The following C1orf50 variants were observed in gnomAD, a reference collection of about 807,000 sequenced individuals.
C1orf50 encodes the protein chromosome 1 open reading frame 50.
Under a neutral mutation model 23.3 loss-of-function variants are expected in C1orf50, and 22 were observed. The observed-to-expected ratio is 0.94, with a 90% CI of 0.67 to 1.35. The LOEUF (loss-of-function observed/expected upper bound fraction) is 1.35. C1orf50 is among the 40% of genes most tolerant of loss of function. The pLI, the probability that C1orf50 is intolerant of heterozygous loss-of-function variation, is 0.00. For synonymous variants in C1orf50, 96 were observed against 102.4 expected (o/e 0.94, Z 0.38); for missense variants, 271 against 249.4 (o/e 1.09, Z -0.58).
intron 2 of C1orf50, among the ~76,000 whole-genome samples, chr1:42,768,769 A>G (rs1044897279): frequency 2.6e-5 from 4 of 152,180 alleles, no homozygotes; most frequent in Admixed American, 2.6e-4. Flanking sequence ...GTGCTATTGA[A>G]TGACTATCGT....
Position 42,767,319 on chromosome 1 carries a change from A to G in C1orf50, c.8A>G (p.Asp3Gly), listed in dbSNP as rs1402287610. ...GGAGGATAAGGCGCTGTCATGGAGG[A>G]CGCCGCCGCGCCGGGGCGGACCGAG... ME[D>G]AAAPGRTEGV... The change falls in exon 1 of 5, where the codon GAC becomes GGC. Residue 3 changes from aspartate (D) to glycine (G), a missense_variant. Asp to Gly is a moderately conservative substitution (Grantham distance 94). Coordinates refer to ENST00000372525, the MANE Select transcript of C1orf50 (RefSeq NM_024097.4). The G allele has an allele frequency of 6.6e-7, 1 of 1,513,140 alleles. No homozygotes were observed. Among genetic ancestry groups the G allele is most frequent in the Non-Finnish European group, 8.8e-7 (1 of 1,136,174 alleles). The allele number at this position is 1,513,140 out of a possible 1,614,324, so 93.7% of individuals were successfully genotyped here.
chr1:42,770,914 C>T (rs902429042), intron 2 of C1orf50, among the ~76,000 whole-genome samples: 4 of 152,096 alleles, frequency 2.6e-5, no homozygotes, highest in South Asian at 2.1e-4. Context: ...TCGGTCCTCT[C>T]CTTTCATTTA....
intron 3 of C1orf50, among the ~76,000 whole-genome samples, 165 bp downstream of exon 3, chr1:42,773,814 T>TTTTG (rs1653274627): frequency 6.6e-6 from 1 of 152,064 alleles, no homozygotes; most frequent in African/African-American, 2.4e-5. Flanking sequence ...AAGTATAAGT[T>TTTTG]TTTGTTTGTC....
At chr1:42,769,160 A>C (rs889256628) in intron 2 of C1orf50, among the ~76,000 whole-genome samples, 1 of 152,144 alleles carries the variant, frequency 6.6e-6, no homozygotes, top group Non-Finnish European at 1.5e-5. Context: ...AGGCATGAGA[A>C]TCGCTTGAGC....
chr1:42,772,420 G>A (rs1653242282), intron 2 of C1orf50, among the ~76,000 whole-genome samples: 1 of 152,136 alleles, frequency 6.6e-6, no homozygotes. Flanking sequence ...TGCCTGAGTG[G>A]TAATCCTTCC....
At chr1:42,773,315 G>C (rs1653261830) in intron 2 of C1orf50, 1 of 319,992 alleles carries the variant, frequency 3.1e-6, no homozygotes, top group Non-Finnish European at 5.9e-6. Context: ...TAGCGAAGGG[G>C]TGGAAAGCTA....
intron 2 of C1orf50, among the ~76,000 whole-genome samples, chr1:42,770,905 C>G (rs185411182): frequency 6.6e-6 from 1 of 152,030 alleles, no homozygotes; most frequent in African/African-American, 2.4e-5. Flanking sequence ...TTTTCATGGT[C>G]GGTCCTCTCC....
In C1orf50 at chr1:42,779,270, G is replaced by C. The variant is rs920173304; in HGVS notation, c.*3876G>C. On this transcript the variant is annotated 3_prime_UTR_variant, in exon 5 of 5. Transcript: ENST00000372525. Reference sequence around the variant, plus strand: ...CGGGCGCCTGTAATCCCAGCTACTCGGGAGGCTGAGGCAGGAGAATGTCGT... The same window carrying C: ...CGGGCGCCTGTAATCCCAGCTACTCCGGAGGCTGAGGCAGGAGAATGTCGT... 2 of 151,754 alleles carry C rather than the reference G, an allele frequency of 1.3e-5. No individual in the cohort carries two copies. The highest frequency in any genetic ancestry group is 4.8e-5 in the African/African-American group (2 of 41,242). 9.4% of individuals were successfully genotyped at this position (151,754 alleles called of 1,614,324 possible).
At position 42,775,662 on chromosome 1, in the gene C1orf50, C is replaced by T; in HGVS notation, c.*268C>T. ...ATTGGCCAGTGTACTTTCCTTCTTC[C>T]TCTCCATCACTTCTTCCCTTAAGTT... On this transcript the variant is annotated 3_prime_UTR_variant, in exon 5 of 5. Coordinates refer to ENST00000372525, the MANE Select transcript of C1orf50 (RefSeq NM_024097.4). The T allele has an allele frequency of 3.5e-6, 1 of 283,374 alleles. No individual in the cohort carries two copies. The highest frequency in any genetic ancestry group is 2.2e-5 in the African/African-American group (1 of 46,028). The allele number at this position is 283,374 out of a possible 1,614,324, so 17.6% of individuals were successfully genotyped here.
chr1:42,767,531 G>T lies in C1orf50; in HGVS notation c.102G>T (p.Pro34=). ...GQGGALVELT[P]TPGGLALVSP... is the part of the protein sequence containing the mutation. ...CAGGAGCCCTGGTGGAGCTCACCCC[G>T]ACCCCCGGCGGCCTGGCCCTGGTGA... Residue 34 remains proline (P), a synonymous_variant, in exon 2 of 5, where the codon CCG becomes CCT. Transcript: ENST00000372525. 3 of 1,590,146 alleles carry T rather than the reference G, an allele frequency of 1.9e-6. No individual in the cohort carries two copies. Among genetic ancestry groups the T allele is most frequent in the African/African-American group, 2.7e-5 (2 of 74,688 alleles).
Position 42,767,722 on chromosome 1 carries a change from G to A in C1orf50, c.195+98G>A, listed in dbSNP as rs1653109414. ...CTCACTACCACCTATGGTGGGGGTG[G>A]CATTTGCTCTTGTCTCCATTTTACA... On this transcript the variant is annotated intron_variant, in intron 2 of 4. Transcript: ENST00000372525. 7.3e-6 allele frequency: 8 copies of A among 1,096,652 alleles called. No homozygotes were observed. In the East Asian group the frequency reaches 2.1e-4, roughly 29 times the overall value. 67.9% of individuals were successfully genotyped at this position (1,096,652 alleles called of 1,614,324 possible).
rs891662527 is a variant in C1orf50, at chr1:42,767,690, C to T, written c.195+66C>T. On this transcript the variant is annotated intron_variant, in intron 2 of 4. Transcript: ENST00000372525. ...TCACGTTGTACTCTGCGTCTTTCGG[C>T]TCAGACCTCACTACCACCTATGGTG... 9.2e-6 allele frequency: 13 copies of T among 1,413,698 alleles called. No homozygotes were observed. The Admixed American group carries it at 2.2e-4, about 24-fold the overall frequency. 87.6% of individuals were successfully genotyped at this position (1,413,698 alleles called of 1,614,324 possible).
At position 42,767,304 on chromosome 1, in the gene C1orf50, G is replaced by A. The variant is rs749122517; in HGVS notation, c.-8G>A. 2.0e-6 allele frequency: 3 copies of A among 1,501,040 alleles called. No individual in the cohort carries two copies. The highest frequency in any genetic ancestry group is 2.7e-5 in the South Asian group (2 of 74,368). 93.0% of individuals were successfully genotyped at this position (1,501,040 alleles called of 1,614,324 possible). A position where few individuals can be genotyped will look rare whatever the true frequency, so the allele number is the denominator to read the frequency against. On this transcript the variant is annotated 5_prime_UTR_variant, in exon 1 of 5. Coordinates refer to ENST00000372525, the MANE Select transcript of C1orf50 (RefSeq NM_024097.4). The stretch of plus-strand genomic sequence containing the variant: ...CAGCCCAGGGAGTGGGGAGGATAAG[G>A]CGCTGTCATGGAGGACGCCGCCGCG...
chr1:42,767,455 G>A, intron 1 of C1orf50, 54 bp from the exon 2 acceptor site: 1 of 1,554,180 alleles, frequency 6.4e-7, no homozygotes. Flanking sequence ...TCGGGGCTCC[G>A]CGGGAGGCCG....
chr1:42,774,294 C>G (rs1653285177), intron 3 of C1orf50, among the ~76,000 whole-genome samples: 1 of 150,944 alleles, frequency 6.6e-6, no homozygotes. Flanking sequence ...GTGGTGTAGT[C>G]TCAGCTCACT....
rs948248932 is a variant in C1orf50, at chr1:42,778,697, A to AG, written c.*3303_*3304insG. ...AGGAGATAGTTGAAGACAGGGAGGA[A>AG]AAAACATTCCAGACAAAAAATAACA... On this transcript the variant is annotated 3_prime_UTR_variant, in exon 5 of 5. Transcript: ENST00000372525. 4 of 151,934 alleles carry AG rather than the reference A, an allele frequency of 2.6e-5. No individual in the cohort carries two copies. Among genetic ancestry groups the AG allele is most frequent in the African/African-American group, 9.7e-5 (4 of 41,340 alleles). The allele number at this position is 151,934 out of a possible 1,614,324, so 9.4% of individuals were successfully genotyped here. A position where few individuals can be genotyped will look rare whatever the true frequency, so the allele number is the denominator to read the frequency against.
At position 42,768,968 on chromosome 1, in the gene C1orf50, A is replaced by G. The variant is rs565059046; in HGVS notation, c.195+1344A>G. 5.3e-5 allele frequency among the ~76,000 whole-genome samples: 8 copies of G among 152,348 alleles called. No homozygotes were observed. In the East Asian group the frequency reaches 1.5e-3, roughly 29 times the overall value. On this transcript the variant is annotated intron_variant, in intron 2 of 4. Transcript: ENST00000372525. ...ATTGAATCAAACATATTAACTATCT[A>G]AAATGTACTTTTTGGCCAGGTGCCG...
At chr1:42,770,235 T>A (rs1312099035) in intron 2 of C1orf50, among the ~76,000 whole-genome samples, 1 of 152,200 alleles carries the variant, frequency 6.6e-6, no homozygotes, top group Non-Finnish European at 1.5e-5. Context: ...TTTTCCTTTT[T>A]TTGGACCTCA....
intron 2 of C1orf50, among the ~76,000 whole-genome samples, chr1:42,768,844 T>C (rs1261299579): frequency 6.6e-6 from 1 of 152,200 alleles, no homozygotes; most frequent in East Asian, 1.9e-4. Context: ...TCCTATAATC[T>C]TATGAAATAC....
Sources: allele counts gnomAD v4.1 joint callset (sites outside exome capture counted in the v4.1 genomes callset), GRCh38; gene constraint gnomAD v4.1.1; transcripts MANE v1.5; gene names NCBI Gene and HGNC (gene_info 2026-07-23, HGNC 2026-07-21).